Variants in COL14A1 observed in about 807,000 individuals in gnomAD.
COL14A1 encodes collagen alpha-1(XIV) chain.
A neutral mutation model predicts 230.3 loss-of-function variants in COL14A1; 136 were observed. The ratio of observed to expected loss-of-function variants is 0.59; its 90% CI spans 0.51 to 0.68. The LOEUF is 0.68. Among genes scored for constraint, COL14A1 ranks in the 30% least tolerant of loss-of-function variants. The pLI is 0.00. For synonymous variants in COL14A1, 792 were observed against 784.1 expected (o/e 1.01, Z -0.17); for missense variants, 1,976 against 2,215.8 (o/e 0.89, Z 2.17).
chr8:120,142,921 A>G (rs1406237608), intron 1 of COL14A1, among the ~76,000 whole-genome samples: 3 of 152,324 alleles, frequency 2.0e-5, no homozygotes, highest in Non-Finnish European at 4.4e-5. Context: ...ATACCATATT[A>G]TTTTGAAATA....
chr8:120,144,123 T>A (rs1278721217), intron 1 of COL14A1, among the ~76,000 whole-genome samples: 1 of 152,122 alleles, frequency 6.6e-6, no homozygotes, highest in African/African-American at 2.4e-5. Context: ...GATAAGCATA[T>A]AACAAGGAGT....
chr8:120,363,255 A>G (rs1823290331), intron 45 of COL14A1, among the ~76,000 whole-genome samples: 1 of 152,202 alleles, frequency 6.6e-6, no homozygotes, highest in African/African-American at 2.4e-5. Context: ...CATAAAAAGG[A>G]ATGAGATCAT....
intron 33 of COL14A1, among the ~76,000 whole-genome samples, chr8:120,288,651 C>T (rs530989966): frequency 2.0e-5 from 3 of 152,030 alleles, no homozygotes; most frequent in Admixed American, 6.6e-5. Context: ...AGGGCAAAAC[C>T]GTTATTTGCC....
chr8:120,298,600 TATATATATA>T (rs1563724769), intron 35 of COL14A1, among the ~76,000 whole-genome samples: 13 of 38,944 alleles, frequency 3.3e-4, no homozygotes, highest in South Asian at 1.5e-3. Context: ...ATATATTTTA[TATATATATA>T]TATATATATA....
intron 35 of COL14A1, among the ~76,000 whole-genome samples, chr8:120,298,973 G>T (rs1410638541): frequency 6.6e-6 from 1 of 151,900 alleles, no homozygotes; most frequent in East Asian, 1.9e-4. Context: ...AAGGAGAAGT[G>T]CAGAGCGAAG....
intron 2 of COL14A1, among the ~76,000 whole-genome samples, chr8:120,154,357 G>T (rs1287307386): frequency 6.6e-6 from 1 of 152,174 alleles, no homozygotes; most frequent in Non-Finnish European, 1.5e-5. Context: ...CTGCCTATGA[G>T]CCTCTATGGG....
intron 23 of COL14A1, among the ~76,000 whole-genome samples, chr8:120,255,710 T>C (rs1819125720): frequency 6.6e-6 from 1 of 152,096 alleles, no homozygotes; most frequent in African/African-American, 2.4e-5. Context: ...TAGCATACAT[T>C]AAAATTATAT....
At chr8:120,234,115 G>GTTTA (rs1319558354) in intron 19 of COL14A1, among the ~76,000 whole-genome samples, 5 of 151,962 alleles carry the variant, frequency 3.3e-5, no homozygotes, top group Non-Finnish European at 7.4e-5. Context: ...TTGGCTCTCT[G>GTTTA]TCTATTATTG....
chr8:120,280,227 A>T (rs1164862386), intron 29 of COL14A1, 128 bp downstream of exon 29: 5 of 1,098,462 alleles, frequency 4.6e-6, no homozygotes, highest in Non-Finnish European at 6.5e-6. Context: ...TGTTATATAG[A>T]CATTAAGTTT....
At chr8:120,248,146 G>T (rs941082092) in intron 21 of COL14A1, among the ~76,000 whole-genome samples, 1 of 151,906 alleles carries the variant, frequency 6.6e-6, no homozygotes, top group African/African-American at 2.4e-5. Context: ...TCTTGGATTA[G>T]TTGGAAAATT....
Position 120,147,882 on chromosome 8 carries a change from C to T in COL14A1, c.40C>T (p.Pro14Ser), listed in dbSNP as rs760270804. 8.1e-6 allele frequency: 13 copies of T among 1,613,888 alleles called. No individual in the cohort carries two copies. The highest frequency in any genetic ancestry group is 1.7e-5 in the Admixed American group (1 of 59,984). ...FQRKMRYWLL[P>S]PFLAIVYFCT... The stretch of plus-strand genomic sequence containing the variant: ...GCGCAAGATGCGGTACTGGTTGCTT[C>T]CACCTTTTTTGGCAATTGTTTATTT... The change falls in exon 2 of 48, where the codon CCA becomes TCA. Residue 14 changes from proline (P) to serine (S), a missense_variant. Coordinates refer to ENST00000297848, the MANE Select transcript of COL14A1 (RefSeq NM_021110.4).
intron 20 of COL14A1, among the ~76,000 whole-genome samples, chr8:120,246,723 G>A (rs1818777559): frequency 1.3e-5 from 2 of 152,164 alleles, no homozygotes; most frequent in South Asian, 4.1e-4. Context: ...TGATTAAGGA[G>A]TGGCCAACAC....
At chr8:120,308,020 C>T (rs1420913559) in intron 36 of COL14A1, among the ~76,000 whole-genome samples, 4 of 152,298 alleles carry the variant, frequency 2.6e-5, no homozygotes, top group Middle Eastern at 3.4e-3. Context: ...CTCACGCTGT[C>T]GCTTAGGCTG....
At chr8:120,320,152 G>C (rs552140352) in intron 40 of COL14A1, among the ~76,000 whole-genome samples, 2 of 152,226 alleles carry the variant, frequency 1.3e-5, no homozygotes, top group East Asian at 3.9e-4. Flanking sequence ...ACTTTCCTCA[G>C]CGGTAAAGTG....
chr8:120,269,935 A>C (rs1819609041), intron 25 of COL14A1, 100 bp from the exon 26 acceptor site: 1 of 1,233,782 alleles, frequency 8.1e-7, no homozygotes, highest in Non-Finnish European at 1.1e-6. Context: ...TTTGAAAAAG[A>C]GCTTCACTTA....
chr8:120,133,938 A>C (rs1814626981), intron 1 of COL14A1, among the ~76,000 whole-genome samples: 1 of 152,082 alleles, frequency 6.6e-6, no homozygotes, highest in Non-Finnish European at 1.5e-5. Flanking sequence ...TTAATATAAA[A>C]ATAAAATTGC....
At chr8:120,232,608 T>TA (rs1818311117) in intron 19 of COL14A1, among the ~76,000 whole-genome samples, 1 of 152,190 alleles carries the variant, frequency 6.6e-6, no homozygotes, top group Non-Finnish European at 1.5e-5. Flanking sequence ...CATCCTTTTT[T>TA]ATGGCTGCAT....
chr8:120,255,328 C>A lies in COL14A1; in HGVS notation c.2841C>A (p.Ala947=). The part of the protein sequence containing the change: ...AHWQVHRHAT[A]YRVVIESLQD... ...GGCAGGTACATCGCCATGCCACAGCCTATAGGGTTGTTATAGAATCCCTCC... is the reference window on the plus strand; with the variant it reads ...GGCAGGTACATCGCCATGCCACAGCATATAGGGTTGTTATAGAATCCCTCC... The change falls in exon 23 of 48, where the codon GCC becomes GCA. Residue 947 remains alanine, a synonymous_variant. Coordinates refer to ENST00000297848, the MANE Select transcript of COL14A1 (RefSeq NM_021110.4). 6.2e-7 allele frequency: 1 copy of A among 1,613,904 alleles called. No individual in the cohort carries two copies. The highest frequency in any genetic ancestry group is 8.5e-7 in the Non-Finnish European group (1 of 1,179,802).
At chr8:120,135,979 T>C (rs1407582712) in intron 1 of COL14A1, among the ~76,000 whole-genome samples, 2 of 152,184 alleles carry the variant, frequency 1.3e-5, no homozygotes, top group African/African-American at 4.8e-5. Flanking sequence ...TTCTAAATTA[T>C]TAGTTCAAGT....
Sources: gnomAD v4.1 joint callset for allele counts (sites outside exome capture counted in the v4.1 genomes callset) on GRCh38, gnomAD v4.1.1 for gene constraint, MANE v1.5 for transcripts, NCBI Gene and HGNC (gene_info 2026-07-23, HGNC 2026-07-21) for gene names.